The following GRID2 variants were observed in gnomAD, a reference collection of about 807,000 sequenced individuals.
GRID2 encodes the protein glutamate ionotropic receptor delta type subunit 2.
In GRID2, 33 loss-of-function variants were observed where a neutral mutation model predicts 114.8. The observed-to-expected ratio is 0.29, with a 90% CI of 0.22 to 0.38. The LOEUF (loss-of-function observed/expected upper bound fraction) is 0.38. Among genes scored for constraint, GRID2 ranks in the 10% least tolerant of loss-of-function variants. The pLI is 1.00. For synonymous variants in GRID2, 505 were observed against 449.9 expected (o/e 1.12, Z -1.55); for missense variants, 1,184 against 1,257.7 (o/e 0.94, Z 0.89).
At chr4:92,440,439 G>A (rs372043881) in intron 1 of GRID2, among the ~76,000 whole-genome samples, 6 of 151,862 alleles carry the variant, frequency 4.0e-5, no homozygotes, top group South Asian at 2.1e-4. Flanking sequence ...AGACTAAGAG[G>A]TATTTCAGTT....
At chr4:93,684,029 T>C (rs182815911) in intron 14 of GRID2, among the ~76,000 whole-genome samples, 1 of 152,256 alleles carries the variant, frequency 6.6e-6, no homozygotes, top group Admixed American at 6.5e-5. Flanking sequence ...GTTTATCCTA[T>C]AGCATTAAGA....
At chr4:93,515,527 C>T (rs995408018) in intron 13 of GRID2, 116 bp downstream of exon 13, 22 of 666,424 alleles carry the variant, frequency 3.3e-5, no homozygotes, top group Admixed American at 2.0e-4. Context: ...TTAATGCTGA[C>T]GGCAAATTTC....
At chr4:93,380,056 AC>A (rs1763713133) in intron 8 of GRID2, among the ~76,000 whole-genome samples, 1 of 152,132 alleles carries the variant, frequency 6.6e-6, no homozygotes, top group South Asian at 2.1e-4. Context: ...ATGTCCATGA[AC>A]TAATCCCTGG....
intron 1 of GRID2, among the ~76,000 whole-genome samples, chr4:92,578,171 G>C (rs1579616528): frequency 6.8e-6 from 1 of 147,698 alleles, no homozygotes; most frequent in Admixed American, 6.8e-5. Flanking sequence ...ACAACGTGCA[G>C]GTTAGTTACA....
intron 8 of GRID2, among the ~76,000 whole-genome samples, chr4:93,343,586 A>C (rs959867424): frequency 6.6e-6 from 1 of 152,160 alleles, no homozygotes; most frequent in African/African-American, 2.4e-5. Context: ...TAGTGATAAC[A>C]TAAAAAGAAA....
At chr4:93,287,200 T>C (rs1381167543) in intron 8 of GRID2, among the ~76,000 whole-genome samples, 2 of 152,166 alleles carry the variant, frequency 1.3e-5, no homozygotes, top group Non-Finnish European at 2.9e-5. Context: ...AATATCATTA[T>C]GGAGTTGTAA....
intron 1 of GRID2, among the ~76,000 whole-genome samples, chr4:92,323,180 T>C (rs532455121): frequency 5.6e-4 from 85 of 152,234 alleles, no homozygotes; most frequent in Admixed American, 1.2e-3. Flanking sequence ...AATCATCAAG[T>C]AACCAACAGT....
At chr4:93,194,564 T>C (rs1741297425) in intron 4 of GRID2, among the ~76,000 whole-genome samples, 2 of 152,204 alleles carry the variant, frequency 1.3e-5, no homozygotes, top group Admixed American at 1.3e-4. Context: ...AAGTATCCGG[T>C]GTAGCCAGTC....
chr4:93,747,030 T>C (rs1243073472), intron 14 of GRID2, among the ~76,000 whole-genome samples: 5 of 152,062 alleles, frequency 3.3e-5, no homozygotes, highest in Admixed American at 6.6e-5. Context: ...CTAGCAAAAT[T>C]TATGTTTTAG....
chr4:92,792,749 G>A (rs1739654092), intron 2 of GRID2, among the ~76,000 whole-genome samples: 1 of 151,750 alleles, frequency 6.6e-6, no homozygotes, highest in Admixed American at 6.6e-5. Flanking sequence ...TCTGCATAAT[G>A]AGGTTGAAAA....
chr4:92,362,674 T>G (rs2110203728), intron 1 of GRID2, among the ~76,000 whole-genome samples: 1 of 152,132 alleles, frequency 6.6e-6, no homozygotes, highest in East Asian at 1.9e-4. Context: ...TAAGTTGAAA[T>G]ATTTTCAGAA....
intron 4 of GRID2, among the ~76,000 whole-genome samples, chr4:93,178,706 A>G (rs66494208): frequency 0.15 from 23,331 of 151,878 alleles, 2,905 homozygotes; most frequent in African/African-American, 0.33. Flanking sequence ...GTTTTCAAGA[A>G]GAGAATGTTT....
At chr4:92,403,517 G>A (rs987668693) in intron 1 of GRID2, among the ~76,000 whole-genome samples, 3 of 151,840 alleles carry the variant, frequency 2.0e-5, no homozygotes, top group Middle Eastern at 3.4e-3. Context: ...CCAATATGGT[G>A]GAACCCCATC....
intron 13 of GRID2, among the ~76,000 whole-genome samples, chr4:93,590,899 T>A (rs1471477349): frequency 8.0e-5 from 12 of 150,910 alleles, no homozygotes; most frequent in Admixed American, 4.6e-4. Context: ...TTTTGCACAT[T>A]GATTTTGTAT....
chr4:92,701,336 A>T (rs1455780302), intron 2 of GRID2, among the ~76,000 whole-genome samples: 1 of 152,176 alleles, frequency 6.6e-6, no homozygotes, highest in East Asian at 1.9e-4. Flanking sequence ...TTCAATTTTA[A>T]TCACTGCAAA....
At chr4:93,779,206 C>CT (rs1734431024), downstream of GRID2, among the ~76,000 whole-genome samples, 1 of 127,622 alleles carries the variant, frequency 7.8e-6, no homozygotes, top group African/African-American at 2.7e-5. Context: ...GTGTCTCTTT[C>CT]CCTTTTTTTT....
chr4:92,749,649 C>T (rs1560571019), intron 2 of GRID2, among the ~76,000 whole-genome samples: 1 of 152,182 alleles, frequency 6.6e-6, no homozygotes, highest in Non-Finnish European at 1.5e-5. Context: ...AATTGAAGTT[C>T]TCTGCTGAAG....
In GRID2 at chr4:92,743,006, G is replaced by A. The variant is rs139071300; in HGVS notation, c.244+152720G>A. Among the ~76,000 whole-genome samples, 711 of 152,312 alleles carry A rather than the reference G, an allele frequency of 4.7e-3. 4 individuals are homozygous for A. Among genetic ancestry groups the A allele is most frequent in the African/African-American group, 0.016 (684 of 41,560 alleles). On this transcript the variant is annotated intron_variant, in intron 2 of 15. Coordinates refer to ENST00000282020, the MANE Select transcript of GRID2 (RefSeq NM_001510.4). ...ATCTAAAAAATAAGGGCCAGGAGCA[G>A]TGGCTCATGCCTGTAATTCCAACAG...
intron 2 of GRID2, among the ~76,000 whole-genome samples, chr4:92,958,819 G>T (rs1752600673): frequency 6.6e-6 from 1 of 151,958 alleles, no homozygotes. Context: ...TGTTTGGAAA[G>T]TTATTCATTT....
Sources: allele counts gnomAD v4.1 joint callset (sites outside exome capture counted in the v4.1 genomes callset), GRCh38; gene constraint gnomAD v4.1.1; transcripts MANE v1.5; gene names NCBI Gene and HGNC (gene_info 2026-07-23, HGNC 2026-07-21).